The following ARFIP1 variants were observed in gnomAD, a reference collection of about 807,000 sequenced individuals.
ARFIP1 encodes arfaptin-1.
In ARFIP1, 24 loss-of-function variants were observed where a neutral mutation model predicts 42.5. That is an observed-to-expected ratio of 0.57 (90% CI 0.41 to 0.80). The LOEUF is 0.80. Among genes scored for constraint, ARFIP1 ranks in the 30% least tolerant of loss-of-function variants. The probability of loss-of-function intolerance (pLI) is 0.00; values close to 1 mark genes in which losing one functional copy is unlikely to be tolerated. For synonymous variants in ARFIP1, 141 were observed against 153.7 expected (o/e 0.92, Z 0.61); for missense variants, 354 against 434.0 (o/e 0.82, Z 1.64).
At chr4:152,833,148 A>G (rs115056536) in intron 2 of ARFIP1, among the ~76,000 whole-genome samples, 1 of 152,162 alleles carries the variant, frequency 6.6e-6, no homozygotes, top group Non-Finnish European at 1.5e-5. Flanking sequence ...TATATCTGAT[A>G]AAGTGTTAAT....
chr4:152,889,106 G>T (rs1395811168), intron 8 of ARFIP1, among the ~76,000 whole-genome samples: 2 of 152,016 alleles, frequency 1.3e-5, no homozygotes, highest in East Asian at 3.8e-4. Flanking sequence ...GTCTTCAACT[G>T]TACTCTCTTC....
chr4:152,829,736 CTT>C lies in ARFIP1; in HGVS notation c.93+13_93+14del. 6.4e-7 allele frequency: 1 copy of C among 1,562,312 alleles called. No homozygotes were observed. The highest frequency in any genetic ancestry group is 8.7e-7 in the Non-Finnish European group (1 of 1,148,724). On this transcript the variant is annotated intron_variant, in intron 2 of 8. Transcript: ENST00000353617. ...ACATAGCTTTAATAGGGTAAGAACA[CTT>C]TTCTTTCTCTTAATGCAAAGAATCA...
Position 152,893,722 on chromosome 4 carries a change from C to T in ARFIP1, c.966+5415C>T, listed in dbSNP as rs376637862. 1.6e-4 allele frequency among the ~76,000 whole-genome samples: 24 copies of T among 152,118 alleles called. No homozygotes were observed. In the East Asian group the frequency reaches 2.1e-3, roughly 13 times the overall value. On this transcript the variant is annotated intron_variant, in intron 8 of 8. Coordinates refer to ENST00000353617, the MANE Select transcript of ARFIP1 (RefSeq NM_001025595.3). ...TCATTATTATGTTATATTTTAGTGACTTAAAGGATGACAGAGGAGGCAGAA... is the reference window on the plus strand; with the variant it reads ...TCATTATTATGTTATATTTTAGTGATTTAAAGGATGACAGAGGAGGCAGAA...
At chr4:152,905,305 A>G (rs967999368) in intron 8 of ARFIP1, among the ~76,000 whole-genome samples, 2 of 152,074 alleles carry the variant, frequency 1.3e-5, no homozygotes, top group South Asian at 2.1e-4. Context: ...ATTCCCAACA[A>G]CTGTGTATGA....
rs550167347 is a variant in ARFIP1, at chr4:152,794,515, A to G, written c.-10+14289A>G. 7.9e-5 allele frequency among the ~76,000 whole-genome samples: 12 copies of G among 152,248 alleles called. No individual in the cohort carries two copies. In the East Asian group the frequency reaches 1.7e-3, roughly 22 times the overall value. On this transcript the variant is annotated intron_variant, in intron 1 of 8. Coordinates refer to ENST00000353617, the MANE Select transcript of ARFIP1 (RefSeq NM_001025595.3). ...TCTTACTACTTATGATTACTTGATCACTTGGTTGAGTGTGTTGTTTTTACA... is the reference window on the plus strand; with the variant it reads ...TCTTACTACTTATGATTACTTGATCGCTTGGTTGAGTGTGTTGTTTTTACA...
intron 3 of ARFIP1, among the ~76,000 whole-genome samples, chr4:152,868,880 ATAT>A (rs1266344879): frequency 2.0e-5 from 3 of 152,184 alleles, no homozygotes; most frequent in African/African-American, 7.2e-5. Context: ...AATAATGGAG[ATAT>A]TATGGTGTTC....
chr4:152,822,633 A>G (rs999063365), intron 1 of ARFIP1, among the ~76,000 whole-genome samples: 6 of 152,200 alleles, frequency 3.9e-5, no homozygotes, highest in Non-Finnish European at 8.8e-5. Context: ...AGCACACACA[A>G]CATTCTCCAA....
chr4:152,783,331 CTAGCTTATGCTAA>C (rs1230677874), intron 1 of ARFIP1, among the ~76,000 whole-genome samples: 1 of 152,130 alleles, frequency 6.6e-6, no homozygotes, highest in Non-Finnish European at 1.5e-5. Flanking sequence ...CAACAACAGA[CTAGCTTATGCTAA>C]ATTAGTTTCC....
intron 1 of ARFIP1, among the ~76,000 whole-genome samples, chr4:152,816,986 A>G (rs566820756): frequency 2.0e-5 from 3 of 152,232 alleles, no homozygotes; most frequent in Non-Finnish European, 4.4e-5. Context: ...TCATGCTCAC[A>G]ACACTGATTA....
chr4:152,805,402 A>G (rs1245176581), intron 1 of ARFIP1, among the ~76,000 whole-genome samples: 1 of 152,364 alleles, frequency 6.6e-6, no homozygotes, highest in East Asian at 1.9e-4. Context: ...GATCCAAATC[A>G]TGGTTGAGCA....
chr4:152,847,124 C>CTTTTTT lies in ARFIP1; in HGVS notation c.94-16463_94-16458dup, dbSNP rs771661005. On this transcript the variant is annotated intron_variant, in intron 2 of 8. Transcript: ENST00000353617. The stretch of plus-strand genomic sequence containing the variant: ...GTATGTTAATGTTTTTAGGTTTGTT[C>CTTTTTT]TTTTTTTTTTTTTTTTTTTTTTTTG... Among the ~76,000 whole-genome samples, 302 of 40,546 alleles carry CTTTTTT rather than the reference C, an allele frequency of 7.4e-3. 70 individuals are homozygous for CTTTTTT. The highest frequency in any genetic ancestry group is 0.016 in the African/African-American group (169 of 10,420). The allele number at this position is 40,546 out of a possible 152,430, so 26.6% of individuals were successfully genotyped here.
rs1206598017 is a variant in ARFIP1, at chr4:152,888,161, T to G, written c.820T>G (p.Leu274Val). The change falls in exon 8 of 9, where the codon TTG (leucine) becomes GTG (valine). Residue 274 changes from leucine (L) to valine (V), a missense_variant. Coordinates refer to ENST00000353617, the MANE Select transcript of ARFIP1 (RefSeq NM_001025595.3). ...RIEYDAYRTDLEELNLGPRDA... is the reference protein window; with the variant it reads ...RIEYDAYRTDVEELNLGPRDA... ...TGAATATGATGCATATCGCACTGAT[T>G]TGGAAGAACTGAATCTTGGACCACG... The G allele has an allele frequency of 6.2e-7, 1 of 1,610,600 alleles. No individual in the cohort carries two copies. Among genetic ancestry groups the G allele is most frequent in the Non-Finnish European group, 8.5e-7 (1 of 1,178,670 alleles).
intron 2 of ARFIP1, among the ~76,000 whole-genome samples, chr4:152,862,929 A>G (rs1402693280): frequency 2.6e-5 from 4 of 152,166 alleles, no homozygotes; most frequent in Admixed American, 6.5e-5. Flanking sequence ...AAGTTCTGGG[A>G]AAAAAAACTT....
At chr4:152,845,355 A>G (rs1384259092) in intron 2 of ARFIP1, among the ~76,000 whole-genome samples, 1 of 152,214 alleles carries the variant, frequency 6.6e-6, no homozygotes, top group Non-Finnish European at 1.5e-5. Flanking sequence ...AAAATTGACA[A>G]GTAGGACCTA....
chr4:152,841,447 T>C (rs1732070145), intron 2 of ARFIP1, among the ~76,000 whole-genome samples: 1 of 152,200 alleles, frequency 6.6e-6, no homozygotes, highest in South Asian at 2.1e-4. Flanking sequence ...CTTTTGTTTT[T>C]TGTTTTTGCT....
Position 152,843,892 on chromosome 4 carries a change from C to T in ARFIP1, c.93+14166C>T, listed in dbSNP as rs1400171480. On this transcript the variant is annotated intron_variant, in intron 2 of 8. Transcript: ENST00000353617. Reference sequence around the variant, plus strand: ...TTGGTTCTTGCATGGCCTGTGGAGTCTGCACACGGGATTTGTGCCCTCCCC... The same window carrying T: ...TTGGTTCTTGCATGGCCTGTGGAGTTTGCACACGGGATTTGTGCCCTCCCC... 3.3e-5 allele frequency among the ~76,000 whole-genome samples: 5 copies of T among 152,318 alleles called. No homozygotes were observed. The East Asian group carries it at 7.7e-4, about 24-fold the overall frequency.
chr4:152,790,437 T>C (rs1731079109), intron 1 of ARFIP1, among the ~76,000 whole-genome samples: 1 of 152,026 alleles, frequency 6.6e-6, no homozygotes, highest in African/African-American at 2.4e-5. Context: ...ACTGAATAAT[T>C]TAGAGTTAAT....
chr4:152,784,306 C>T (rs945524983), intron 1 of ARFIP1, among the ~76,000 whole-genome samples: 5 of 152,134 alleles, frequency 3.3e-5, no homozygotes, highest in African/African-American at 7.2e-5. Context: ...TGGAAGCTGC[C>T]GAATGGCTCT....
intron 8 of ARFIP1, among the ~76,000 whole-genome samples, chr4:152,909,451 G>C (rs1358153635): frequency 2.6e-5 from 4 of 152,060 alleles, no homozygotes; most frequent in Non-Finnish European, 4.4e-5. Flanking sequence ...TTGATGCATT[G>C]TTTATTTCTT....
Sources: allele counts gnomAD v4.1 joint callset (sites outside exome capture counted in the v4.1 genomes callset), GRCh38; gene constraint gnomAD v4.1.1; transcripts MANE v1.5; gene names NCBI Gene and HGNC (gene_info 2026-07-23, HGNC 2026-07-21).